The following COL24A1 variants were observed in gnomAD, a reference collection of about 807,000 sequenced individuals.
COL24A1 encodes the protein collagen type XXIV alpha 1 chain.
COL24A1 carries 224 observed loss-of-function variants against 253.9 expected under a neutral mutation model. The observed-to-expected ratio is 0.88, with a 90% CI of 0.79 to 0.99. The LOEUF is 0.99. Among genes scored for constraint, COL24A1 ranks in the 50% least tolerant of loss-of-function variants. The pLI is 0.00. For synonymous variants in COL24A1, 685 were observed against 673.7 expected (o/e 1.02, Z -0.26); for missense variants, 2,131 against 2,068.5 (o/e 1.03, Z -0.59).
At chr1:85,846,209 C>T (rs12066766) in intron 39 of COL24A1, among the ~76,000 whole-genome samples, 3 of 151,584 alleles carry the variant, frequency 2.0e-5, no homozygotes, top group East Asian at 1.9e-4. Context: ...GTCTTCTACA[C>T]CTTATATAAA....
chr1:86,010,083 A>G (rs1308416496), intron 19 of COL24A1, among the ~76,000 whole-genome samples: 3 of 152,244 alleles, frequency 2.0e-5, no homozygotes, highest in Non-Finnish European at 4.4e-5. Flanking sequence ...AATGTATCAG[A>G]GACCTAAATA....
intron 47 of COL24A1, among the ~76,000 whole-genome samples, chr1:85,796,762 T>C (rs543881991): frequency 2.0e-4 from 31 of 152,312 alleles, no homozygotes; most frequent in African/African-American, 6.3e-4. Flanking sequence ...TTACATACAA[T>C]ATTTCATTTG....
intron 47 of COL24A1, among the ~76,000 whole-genome samples, chr1:85,810,407 T>C (rs1672408447): frequency 6.6e-6 from 1 of 152,174 alleles, no homozygotes; most frequent in South Asian, 2.1e-4. Context: ...GCTATAAATA[T>C]AGCTAGCCAG....
chr1:85,995,849 C>T (rs891343150), intron 19 of COL24A1, among the ~76,000 whole-genome samples: 2 of 152,064 alleles, frequency 1.3e-5, no homozygotes, highest in East Asian at 1.9e-4. Context: ...CCTCCTGCTC[C>T]GGCCACGTAA....
intron 35 of COL24A1, among the ~76,000 whole-genome samples, chr1:85,869,617 A>T (rs1192406596): frequency 6.6e-6 from 1 of 152,168 alleles, no homozygotes; most frequent in East Asian, 1.9e-4. Flanking sequence ...AGTGAAGGAG[A>T]AATAAAATCC....
chr1:85,760,806 G>A (rs1042597699), intron 55 of COL24A1, among the ~76,000 whole-genome samples: 4 of 152,046 alleles, frequency 2.6e-5, no homozygotes, highest in South Asian at 2.1e-4. Context: ...AACAGACTGC[G>A]GAATATGAGA....
chr1:86,148,559 T>G (rs886606578), intron 1 of COL24A1, among the ~76,000 whole-genome samples: 1 of 151,696 alleles, frequency 6.6e-6, no homozygotes, highest in Non-Finnish European at 1.5e-5. Flanking sequence ...CCCATGTGTT[T>G]TCATTGTTCA....
intron 28 of COL24A1, among the ~76,000 whole-genome samples, chr1:85,906,264 C>CTTTTTTTTT (rs10526604): frequency 3.5e-4 from 27 of 77,840 alleles, no homozygotes; most frequent in Middle Eastern, 0.01. Flanking sequence ...ACTGCAAGGT[C>CTTTTTTTTT]TTTTTTTTTT....
intron 16 of COL24A1, 36 bp from the exon 17 acceptor site, chr1:86,022,627 A>T: frequency 6.3e-7 from 1 of 1,580,142 alleles, no homozygotes; most frequent in Non-Finnish European, 8.6e-7. Flanking sequence ...ATACTTATGT[A>T]TCACAAACAT....
chr1:85,944,616 A>T (rs1298164352), intron 24 of COL24A1, among the ~76,000 whole-genome samples: 4 of 151,462 alleles, frequency 2.6e-5, no homozygotes, highest in Non-Finnish European at 5.9e-5. Context: ...TTATTATTAT[A>T]CTTTAAGTTT....
chr1:85,858,825 C>T (rs953943285), intron 37 of COL24A1, among the ~76,000 whole-genome samples: 16 of 151,818 alleles, frequency 1.1e-4, no homozygotes, highest in Admixed American at 9.9e-4. Flanking sequence ...ACTGCAGCCC[C>T]GACCTTCCAG....
intron 24 of COL24A1, among the ~76,000 whole-genome samples, chr1:85,925,842 G>C (rs1489778784): frequency 6.6e-6 from 1 of 152,124 alleles, no homozygotes; most frequent in Non-Finnish European, 1.5e-5. Context: ...TTAAACTAAA[G>C]AGCTTCTGCA....
intron 45 of COL24A1, among the ~76,000 whole-genome samples, chr1:85,820,959 T>G (rs1673565956): frequency 6.6e-6 from 1 of 152,216 alleles, no homozygotes; most frequent in Non-Finnish European, 1.5e-5. Context: ...AGGACAGTTA[T>G]CTAGATACTT....
intron 24 of COL24A1, among the ~76,000 whole-genome samples, chr1:85,943,406 T>A (rs972632559): frequency 6.6e-6 from 1 of 152,334 alleles, no homozygotes; most frequent in Non-Finnish European, 1.5e-5. Context: ...TATAACCTTA[T>A]GGTTCTGTCC....
At chr1:85,920,732 A>G (rs1490369159) in intron 24 of COL24A1, among the ~76,000 whole-genome samples, 1 of 152,152 alleles carries the variant, frequency 6.6e-6, no homozygotes, top group Non-Finnish European at 1.5e-5. Flanking sequence ...GCTCAGGAGA[A>G]AAGCCACTGT....
intron 2 of COL24A1, among the ~76,000 whole-genome samples, chr1:86,130,327 A>G (rs1309333220): frequency 2.0e-5 from 3 of 151,892 alleles, no homozygotes; most frequent in Non-Finnish European, 4.4e-5. Context: ...CTTTGAATGT[A>G]TAAACTAAAT....
At position 85,818,083 on chromosome 1, in the gene COL24A1, T is replaced by C. The variant is rs1673233323; in HGVS notation, c.3794A>G (p.Asn1265Ser). ...ACCAGGAGCTCCTTTTTTCCCCTTA[T>C]TACCCTAAAGATGGAAAGCACAGTT... ...GLKGERGSEG[N>S]KGKKGAPGPS... Residue 1265 changes from asparagine to serine, a missense_variant, in exon 46 of 60, where the codon AAT becomes AGT. By Grantham distance (46) the Asn-to-Ser change is conservative. Coordinates refer to ENST00000370571, the MANE Select transcript of COL24A1 (RefSeq NM_152890.7). The C allele has an allele frequency of 6.2e-7, 1 of 1,613,340 alleles. No homozygotes were observed. The highest frequency in any genetic ancestry group is 8.5e-7 in the Non-Finnish European group (1 of 1,179,324).
chr1:85,842,436 A>G, intron 39 of COL24A1, 43 bp from the exon 40 acceptor site: 2 of 1,298,180 alleles, frequency 1.5e-6, no homozygotes, highest in Non-Finnish European at 2.2e-6. Flanking sequence ...GAAAGTAAAG[A>G]ATTGTTTAAA....
intron 10 of COL24A1, among the ~76,000 whole-genome samples, chr1:86,052,294 C>T (rs1700370284): frequency 6.6e-6 from 1 of 151,880 alleles, no homozygotes; most frequent in Admixed American, 6.6e-5. Context: ...ATACCCATTC[C>T]AGCATTATTC....
Sources: gnomAD v4.1 joint callset for allele counts (sites outside exome capture counted in the v4.1 genomes callset) on GRCh38, gnomAD v4.1.1 for gene constraint, MANE v1.5 for transcripts, NCBI Gene and HGNC (gene_info 2026-07-23, HGNC 2026-07-21) for gene names.